The following TAF4B variants were observed in gnomAD, a reference collection of about 807,000 sequenced individuals.
The protein encoded by TAF4B is TATA-box binding protein associated factor 4b, also known as transcription initiation factor TFIID subunit 4B.
In TAF4B, 38 loss-of-function variants were observed where a neutral mutation model predicts 86.4. The ratio of observed to expected loss-of-function variants is 0.44; its 90% CI spans 0.34 to 0.58. TAF4B has a LOEUF of 0.58. Among genes scored for constraint, TAF4B ranks in the 20% least tolerant of loss-of-function variants. The pLI is 0.02. For missense variants in TAF4B, 988 were observed against 1,027.6 expected (o/e 0.96, Z 0.53); for synonymous variants, 388 against 391.2 (o/e 0.99, Z 0.10).
At chr18:26,250,235 C>T (rs1048283968) in intron 1 of TAF4B, among the ~76,000 whole-genome samples, 3 of 152,090 alleles carry the variant, frequency 2.0e-5, no homozygotes, top group African/African-American at 7.2e-5. Flanking sequence ...CGGTGGCTCA[C>T]GCCTCCTATC....
chr18:26,318,909 C>T (rs1018212428), intron 10 of TAF4B, among the ~76,000 whole-genome samples: 1 of 152,320 alleles, frequency 6.6e-6, no homozygotes, highest in South Asian at 2.1e-4. Context: ...AGAAGTTCTT[C>T]TTCAAACACT....
chr18:26,241,834 C>T (rs1270591035), intron 1 of TAF4B, among the ~76,000 whole-genome samples: 2 of 152,144 alleles, frequency 1.3e-5, no homozygotes, highest in East Asian at 1.9e-4. Flanking sequence ...GCCTTCATTT[C>T]GTTATGTATC....
chr18:26,286,396 A>G lies in TAF4B; in HGVS notation c.1487A>G (p.Asp496Gly). ...GTTTCTTCTGCTGGGACCACATCTG[A>G]CAAGCCTGTTATTGGGACTCCAGTT... ...PVVSSAGTTS[D>G]KPVIGTPVQI... Residue 496 changes from aspartate (D) to glycine (G), a missense_variant, in exon 7 of 15, where the codon GAC becomes GGC. This residue lies in a region of TAF4B where 747 missense variants were observed against 737.9 expected (regional missense o/e 1.01). Transcript: ENST00000269142. The G allele has an allele frequency of 3.1e-6, 5 of 1,614,184 alleles. No individual in the cohort carries two copies. Among genetic ancestry groups the G allele is most frequent in the Non-Finnish European group, 4.2e-6 (5 of 1,180,032 alleles).
intron 14 of TAF4B, among the ~76,000 whole-genome samples, chr18:26,376,167 A>G (rs1315644453): frequency 6.6e-6 from 1 of 151,630 alleles, no homozygotes; most frequent in Non-Finnish European, 1.5e-5. Flanking sequence ...GATCATTTTA[A>G]CTATTATGGG....
intron 8 of TAF4B, 57 bp from the exon 9 acceptor site, chr18:26,293,369 C>G: frequency 8.1e-7 from 1 of 1,232,920 alleles, no homozygotes; most frequent in Non-Finnish European, 1.2e-6. Flanking sequence ...TGGATTTTTC[C>G]TAATGTGGTG....
intron 7 of TAF4B, among the ~76,000 whole-genome samples, chr18:26,290,676 G>GT (rs1261451246): frequency 6.6e-6 from 1 of 152,124 alleles, no homozygotes; most frequent in Non-Finnish European, 1.5e-5. Context: ...TTAGAGTTTT[G>GT]TTTTTGGTTT....
chr18:26,290,679 T>C (rs1488737450), intron 7 of TAF4B, among the ~76,000 whole-genome samples: 1 of 152,176 alleles, frequency 6.6e-6, no homozygotes, highest in Non-Finnish European at 1.5e-5. Flanking sequence ...GAGTTTTGTT[T>C]TTGGTTTTCT....
intron 1 of TAF4B, among the ~76,000 whole-genome samples, chr18:26,242,816 A>G (rs1034513008): frequency 6.6e-6 from 1 of 152,120 alleles, no homozygotes; most frequent in Non-Finnish European, 1.5e-5. Context: ...TTTGTCTGTA[A>G]AGGATTTTAT....
intron 14 of TAF4B, among the ~76,000 whole-genome samples, chr18:26,388,795 CTTTATT>C (rs201686662): frequency 7.2e-5 from 11 of 152,134 alleles, no homozygotes; most frequent in African/African-American, 1.2e-4. Flanking sequence ...AGAGTGCTTA[CTTTATT>C]TTTATTTTTA....
At chr18:26,389,690 C>T (rs1978591235) in intron 14 of TAF4B, among the ~76,000 whole-genome samples, 155 bp from the exon 15 acceptor site, 1 of 152,228 alleles carries the variant, frequency 6.6e-6, no homozygotes, top group Non-Finnish European at 1.5e-5. Context: ...TTGAGATTGG[C>T]TGCTGGAGGA....
At chr18:26,250,148 C>T (rs76054775) in intron 1 of TAF4B, among the ~76,000 whole-genome samples, 11,564 of 152,164 alleles carry the variant, frequency 0.076, 539 homozygotes, top group Non-Finnish European at 0.1. Flanking sequence ...TGTTCCTTGC[C>T]TCAGCCTCCC....
intron 14 of TAF4B, among the ~76,000 whole-genome samples, chr18:26,363,770 A>T (rs2057348919): frequency 6.6e-6 from 1 of 152,140 alleles, no homozygotes; most frequent in South Asian, 2.1e-4. Context: ...TTCTTTATCG[A>T]TGGGAACCTG....
Position 26,292,310 on chromosome 18 carries a change from T to A in TAF4B, c.1655T>A (p.Leu552Ter). ...ACCACAATTTCACATTCCTCAACAT[T>A]GACCATTCAGAAATGTGGACAGAAG... is the stretch of plus-strand genomic sequence containing the variant. ...QVTTISHSST[L>*]TIQKCGQKTM... Residue 552 changes from leucine (L) to a stop codon, truncating the protein, a stop_gained, in exon 8 of 15, where the codon TTG (leucine) becomes TAG (stop). Coordinates refer to ENST00000269142, the MANE Select transcript of TAF4B (RefSeq NM_005640.3). LOFTEE classifies it high-confidence loss of function. The A allele has an allele frequency of 6.2e-7, 1 of 1,614,152 alleles. No individual in the cohort carries two copies. Among genetic ancestry groups the A allele is most frequent in the Non-Finnish European group, 8.5e-7 (1 of 1,180,022 alleles).
chr18:26,270,506 G>T lies in TAF4B; in HGVS notation c.597+2883G>T, dbSNP rs141827608. Reference sequence around the variant, plus strand: ...TACTTTATTTAAAAAATAGAGATGAGGTCTTACTCTGTTGCCCAGGCTGTT... The same window carrying T: ...TACTTTATTTAAAAAATAGAGATGATGTCTTACTCTGTTGCCCAGGCTGTT... On this transcript the variant is annotated intron_variant, in intron 3 of 14. Transcript: ENST00000269142. Among the ~76,000 whole-genome samples, 18 of 152,248 alleles carry T rather than the reference G, an allele frequency of 1.2e-4. No homozygotes were observed. In the East Asian group the frequency reaches 3.3e-3, roughly 28 times the overall value.
rs1338441625 is a variant in TAF4B at position 26,229,963 on chromosome 18, A to AT, written c.343+2687_343+2688insT. Among the ~76,000 whole-genome samples, 308 of 150,158 alleles carry AT rather than the reference A, an allele frequency of 2.1e-3. 2 individuals are homozygous for AT. The highest frequency in any genetic ancestry group is 6.4e-3 in the East Asian group (33 of 5,168). ...TATGAACAGAACTGGTTTAAAAAAA[A>AT]AATATATATATATATACACACACAC... On this transcript the variant is annotated intron_variant, in intron 1 of 14. Coordinates refer to ENST00000269142, the MANE Select transcript of TAF4B (RefSeq NM_005640.3).
intron 9 of TAF4B, among the ~76,000 whole-genome samples, chr18:26,308,624 G>T (rs1032465181): frequency 6.6e-6 from 1 of 152,046 alleles, no homozygotes; most frequent in Admixed American, 6.6e-5. Context: ...TGTAATCCGA[G>T]CACTTTGGGA....
intron 1 of TAF4B, among the ~76,000 whole-genome samples, chr18:26,240,097 T>G (rs916808034): frequency 3.3e-5 from 5 of 152,234 alleles, no homozygotes; most frequent in African/African-American, 1.2e-4. Flanking sequence ...ATATGAACTT[T>G]AAAGTAGTTT....
chr18:26,229,494 C>CTTTTTTTTTTTTTTTTT, intron 1 of TAF4B, among the ~76,000 whole-genome samples: 1 of 129,376 alleles, frequency 7.7e-6, no homozygotes, highest in Non-Finnish European at 1.6e-5. Flanking sequence ...TTCTTTCTTT[C>CTTTTTTTTTTTTTTTTT]TTTTTTTTTT....
intron 14 of TAF4B, among the ~76,000 whole-genome samples, chr18:26,388,224 G>C (rs886368720): frequency 2.0e-5 from 3 of 152,162 alleles, no homozygotes; most frequent in African/African-American, 7.2e-5. Context: ...AGAGTTCTGT[G>C]TTTTTCTTTT....
Sources: allele counts gnomAD v4.1 joint callset (sites outside exome capture counted in the v4.1 genomes callset), GRCh38; gene constraint gnomAD v4.1.1; regional missense constraint gnomAD v4.1.1; transcripts MANE v1.5; gene names NCBI Gene and HGNC (gene_info 2026-07-23, HGNC 2026-07-21).